GTF3C2: variants seen among roughly 807,000 people sequenced by gnomAD.
GTF3C2 encodes general transcription factor IIIC subunit 2.
A neutral mutation model predicts 117.4 loss-of-function variants in GTF3C2; 17 were observed. The observed-to-expected ratio is 0.14, with a 90% CI of 0.10 to 0.22. GTF3C2 has a LOEUF of 0.22. GTF3C2 is among the 10% of genes least tolerant of loss of function. GTF3C2 has a pLI of 1.00. For synonymous variants in GTF3C2, 437 were observed against 427.0 expected (o/e 1.02, Z -0.29); for missense variants, 888 against 1,143.6 (o/e 0.78, Z 3.22).
At chr2:27,327,990 T>C in intron 17 of GTF3C2, 47 bp downstream of exon 17, 1 of 1,537,336 alleles carries the variant, frequency 6.5e-7, no homozygotes, top group Non-Finnish European at 8.9e-7. Flanking sequence ...AGACTAAAGT[T>C]TTCTACCTTT....
intron 12 of GTF3C2, among the ~76,000 whole-genome samples, chr2:27,330,226 T>C (rs1394681515): frequency 6.9e-6 from 1 of 144,348 alleles, no homozygotes; most frequent in East Asian, 2.1e-4. Context: ...GGGAGGCCAA[T>C]GCGGGTGGAT....
exon 6 of GTF3C2, chr2:27,337,538 T>A (rs1558616982): frequency 1.2e-6 from 2 of 1,610,732 alleles, no homozygotes; most frequent in East Asian, 2.2e-5. Context: ...AAACTCCCAG[T>A]ATGAATGTTT....
intron 3 of GTF3C2, 78 bp downstream of exon 3, chr2:27,342,748 C>T: frequency 9.1e-7 from 1 of 1,097,990 alleles, no homozygotes; most frequent in Non-Finnish European, 1.4e-6. Flanking sequence ...CCTCATCAGT[C>T]TTCTCTCTCC....
intron 16 of GTF3C2, 95 bp downstream of exon 16, chr2:27,328,373 G>T: frequency 7.6e-7 from 1 of 1,311,392 alleles, no homozygotes; most frequent in Non-Finnish European, 1.1e-6. Context: ...GGATATCAGG[G>T]CCGGGAGACC....
chr2:27,337,576 G>C lies in GTF3C2; in HGVS notation c.951-18C>G. The C allele has an allele frequency of 6.5e-7, 1 of 1,548,674 alleles. No homozygotes were observed. Among genetic ancestry groups the C allele is most frequent in the Non-Finnish European group, 8.9e-7 (1 of 1,120,698 alleles). On this transcript the variant is annotated intron_variant, in intron 5 of 18. Transcript: ENST00000264720. ...GCTCTCGGCTGGAGAAACAGAAGAA[G>C]CATTAATGAAGGAGAGGGATTCTAC...
At chr2:27,328,427 GT>G in intron 16 of GTF3C2, 40 bp downstream of exon 16, 1 of 1,609,646 alleles carries the variant, frequency 6.2e-7, no homozygotes, top group Non-Finnish European at 8.5e-7. Context: ...GGGCATGTGG[GT>G]TAGGATCCAA....
exon 8 of GTF3C2, chr2:27,336,356 A>G (rs1247413723): frequency 1.2e-6 from 2 of 1,612,790 alleles, no homozygotes; most frequent in South Asian, 2.2e-5. Context: ...ACCAGTCCAG[A>G]GCCCAGAGCG....
chr2:27,332,970 T>A (rs1315376326), intron 12 of GTF3C2, among the ~76,000 whole-genome samples: 2 of 151,956 alleles, frequency 1.3e-5, no homozygotes, highest in African/African-American at 4.8e-5. Context: ...TGCCTCAGCC[T>A]CCCAAAGTGC....
intron 1 of GTF3C2, among the ~76,000 whole-genome samples, chr2:27,349,142 TG>T (rs1681028470): frequency 1.7e-5 from 1 of 57,920 alleles, no homozygotes; most frequent in Non-Finnish European, 3.8e-5. Flanking sequence ...CAGCCTGATT[TG>T]ATTTTTTTTT....
rs751953553 is a variant in GTF3C2 at position 27,329,218 on chromosome 2, C to T, written c.1942G>A (p.Glu648Lys). The T allele has an allele frequency of 3.1e-6, 5 of 1,614,092 alleles. No individual in the cohort carries two copies. The South Asian group carries it at 3.3e-5, about 11-fold the overall frequency. The change falls in exon 14 of 19, where the codon GAA becomes AAA. Residue 648 changes from glutamate (E) to lysine (K), a missense_variant. This residue lies in a region of GTF3C2 where 277 missense variants were observed against 445.4 expected (regional missense o/e 0.62). Transcript: ENST00000264720. This position sits in a 1 kb window ranked among gnomAD's most constrained non-coding sequence, Gnocchi z 4.5. ...AAGCGCTTGATAGAGTTTATGGGTT[C>T]GTAAGGACGTCGAAGGTCCCAGAAT...
chr2:27,337,960 G>A, exon 5 of GTF3C2: 2 of 1,611,614 alleles, frequency 1.2e-6, no homozygotes, highest in Non-Finnish European at 1.7e-6. Flanking sequence ...TTCCAAACAG[G>A]AGCCATGATA....
At position 27,329,458 on chromosome 2, in the gene GTF3C2, A is replaced by T. The variant is rs763797102; in HGVS notation, c.1798T>A (p.Ser600Thr). ...CACTGGAAGGGGTAGAGCTTTAAGG[A>T]GCCATCAGAGAGCCGTATCCGCTGC... Residue 600 changes from serine (S) to threonine (T), a missense_variant, in exon 13 of 19, where the codon TCC becomes ACC. By Grantham distance (58) the Ser-to-Thr change is moderately conservative. Around this residue, in one of 7 missense-constraint regions of GTF3C2, gnomAD observed 277 missense variants for 445.4 expected, o/e 0.62. Coordinates refer to ENST00000264720, the Ensembl canonical transcript of GTF3C2. This position sits in a 1 kb window ranked among gnomAD's most constrained non-coding sequence, Gnocchi z 4.5. 7.4e-6 allele frequency: 12 copies of T among 1,614,078 alleles called. No homozygotes were observed. The South Asian group carries it at 1.1e-4, about 15-fold the overall frequency.
At chr2:27,326,879 T>G in exon 19 of GTF3C2, 1 of 1,611,430 alleles carries the variant, frequency 6.2e-7, no homozygotes, top group Non-Finnish European at 8.5e-7. Context: ...AGTCCAGGTT[T>G]GGGCTGAAAC....
intron 1 of GTF3C2, among the ~76,000 whole-genome samples, chr2:27,352,141 T>A (rs750969957): frequency 7.9e-5 from 12 of 152,320 alleles, no homozygotes; most frequent in East Asian, 1.9e-4. Context: ...TAGTTTAGAT[T>A]CCTTCATTTC....
At chr2:27,352,327 C>T (rs756512134) in intron 1 of GTF3C2, among the ~76,000 whole-genome samples, 2 of 152,142 alleles carry the variant, frequency 1.3e-5, no homozygotes, top group Admixed American at 6.6e-5. Context: ...TCTCTGATCC[C>T]GATTCTCTGC....
intron 4 of GTF3C2, chr2:27,338,322 T>C (rs763927948): frequency 8.4e-5 from 30 of 358,874 alleles, no homozygotes; most frequent in Non-Finnish European, 1.2e-4. Flanking sequence ...CCCTATGGAA[T>C]AGTCTCCCTT....
chr2:27,336,040 G>C lies in GTF3C2; in HGVS notation c.1356-12C>G, dbSNP rs769495463. The C allele has an allele frequency of 2.6e-6, 4 of 1,562,428 alleles. No individual in the cohort carries two copies. The highest frequency in any genetic ancestry group is 2.7e-5 in the African/African-American group (2 of 73,840). ...CCCTGTTGCCAGGACTGGAGAGAGA[G>C]AGCATGTGGGGATGGTGGGTAGGAA... is the stretch of plus-strand genomic sequence containing the variant. On this transcript the variant is annotated splice_polypyrimidine_tract_variant and intron_variant, in intron 8 of 18. Transcript: ENST00000264720.
At chr2:27,337,593 G>T in intron 5 of GTF3C2, 35 bp from the exon 6 acceptor site, 1 of 1,370,500 alleles carries the variant, frequency 7.3e-7, no homozygotes, top group Non-Finnish European at 1.0e-6. Context: ...TGAAGGAGAG[G>T]GATTCTACAG....
At chr2:27,327,102 A>T in intron 18 of GTF3C2, 75 bp downstream of exon 18, 1 of 813,336 alleles carries the variant, frequency 1.2e-6, no homozygotes, top group Middle Eastern at 2.4e-4. Flanking sequence ...TAACCTTTTC[A>T]TCTACCATTT....
Sources: gnomAD v4.1 joint callset for allele counts (sites outside exome capture counted in the v4.1 genomes callset) on GRCh38, gnomAD v4.1.1 for gene constraint, gnomAD v4.1.1 regional missense constraint, Gnocchi (gnomAD v3.1) non-coding constraint, MANE v1.5 for transcripts, NCBI Gene and HGNC (gene_info 2026-07-23, HGNC 2026-07-21) for gene names.